Variants in KLHL22 observed in about 807,000 individuals in gnomAD.
The protein encoded by KLHL22 is kelch like family member 22.
In KLHL22, 18 loss-of-function variants were observed where a neutral mutation model predicts 60.7. The observed-to-expected ratio is 0.30, with a 90% confidence interval of 0.20 to 0.44. The LOEUF (loss-of-function observed/expected upper bound fraction) is 0.44, where lower values mean the gene tolerates loss of function less well. Ranked by LOEUF, KLHL22 falls within the 20% of genes least tolerant of loss-of-function variation. The probability of loss-of-function intolerance (pLI) is 1.00; values close to 1 mark genes in which losing one functional copy is unlikely to be tolerated. For synonymous variants in KLHL22, 355 were observed against 354.5 expected (o/e 1.00, Z -0.01); for missense variants, 596 against 852.3 (o/e 0.70, Z 3.74).
At position 20,473,173 on chromosome 22, in the gene KLHL22, T is replaced by G. The variant is rs2053355718; in HGVS notation, c.228-1658A>C. ...GAGCCCCTGGAAGACCAATTAGGCC[T>G]GAGATTCCTGTGGGCCTGGAGGCCA... On this transcript the variant is annotated intron_variant, in intron 2 of 6. Transcript: ENST00000328879. Among the ~76,000 whole-genome samples, 3 of 152,206 alleles carry G rather than the reference T, an allele frequency of 2.0e-5. No homozygotes were observed. In the South Asian group the frequency reaches 6.2e-4, roughly 32 times the overall value.
intron 2 of KLHL22, chr22:20,482,784 G>A: frequency 1.9e-6 from 2 of 1,062,014 alleles, no homozygotes; most frequent in Non-Finnish European, 2.8e-6. Flanking sequence ...TTGGCCTCCT[G>A]CTCCCCAAAG....
intron 3 of KLHL22, 63 bp downstream of exon 3, chr22:20,471,286 CA>C: frequency 1.0e-5 from 15 of 1,506,918 alleles, no homozygotes; most frequent in Non-Finnish European, 1.4e-5. Flanking sequence ...CGGCAGGCAT[CA>C]TGGGCATCTC....
At chr22:20,460,351 G>A (rs1247194458) in intron 4 of KLHL22, among the ~76,000 whole-genome samples, 1 of 152,152 alleles carries the variant, frequency 6.6e-6, no homozygotes, top group Non-Finnish European at 1.5e-5. Context: ...GCTCACGCCT[G>A]TAATCCCAGA....
At chr22:20,443,284 T>C (rs914167865) in intron 6 of KLHL22, among the ~76,000 whole-genome samples, 3 of 152,058 alleles carry the variant, frequency 2.0e-5, no homozygotes, top group African/African-American at 7.2e-5. Flanking sequence ...GTCTAGTTCC[T>C]AATCTCCAGA....
In KLHL22 at chr22:20,489,254, G is replaced by C. The variant is rs377337072; in HGVS notation, c.-33-10C>G. Reference sequence around the variant, plus strand: ...CCCTTACAACTGTGGCCTGACAGTTGGCAAAACAGGGGACAGGGGTGAGCA... The same window carrying C: ...CCCTTACAACTGTGGCCTGACAGTTCGCAAAACAGGGGACAGGGGTGAGCA... On this transcript the variant is annotated splice_polypyrimidine_tract_variant and intron_variant, in intron 1 of 6. Coordinates refer to ENST00000328879, the MANE Select transcript of KLHL22 (RefSeq NM_032775.4). 4.5e-5 allele frequency: 72 copies of C among 1,600,620 alleles called. No individual in the cohort carries two copies. Among genetic ancestry groups the C allele is most frequent in the Non-Finnish European group, 6.2e-5 (72 of 1,169,724 alleles).
At chr22:20,451,165 G>T in intron 5 of KLHL22, 1 of 1,589,352 alleles carries the variant, frequency 6.3e-7, no homozygotes, top group South Asian at 1.1e-5. Context: ...GGAATGTCTA[G>T]ACTACACAGC....
At chr22:20,454,273 G>A (rs533403538) in intron 5 of KLHL22, among the ~76,000 whole-genome samples, 38 of 152,226 alleles carry the variant, frequency 2.5e-4, no homozygotes, top group Non-Finnish European at 4.9e-4. Context: ...AGGTTGCAGT[G>A]AGCCGGGGTC....
chr22:20,455,689 A>G (rs1174924948), intron 5 of KLHL22, among the ~76,000 whole-genome samples: 3 of 152,184 alleles, frequency 2.0e-5, no homozygotes, highest in Non-Finnish European at 4.4e-5. Context: ...AGTTTGCCCC[A>G]GTTTTGCTTG....
intron 2 of KLHL22, among the ~76,000 whole-genome samples, chr22:20,479,252 T>TA (rs1368662401): frequency 3.3e-5 from 5 of 151,678 alleles, no homozygotes; most frequent in East Asian, 1.9e-4. Flanking sequence ...GGCCAATTTT[T>TA]AAAAAAATAT....
chr22:20,480,820 C>A (rs530864610), intron 2 of KLHL22, among the ~76,000 whole-genome samples: 59 of 149,626 alleles, frequency 3.9e-4, no homozygotes, highest in African/African-American at 1.4e-3. Context: ...AATGAGTTTA[C>A]GCCAAACTTT....
intron 3 of KLHL22, among the ~76,000 whole-genome samples, chr22:20,468,620 T>C (rs1009732722): frequency 1.3e-5 from 2 of 152,174 alleles, no homozygotes. Context: ...TTGACATGGT[T>C]ATGCCAAGTA....
chr22:20,454,509 T>A (rs567947858), intron 5 of KLHL22, among the ~76,000 whole-genome samples: 4 of 152,316 alleles, frequency 2.6e-5, no homozygotes, highest in Non-Finnish European at 4.4e-5. Context: ...TGGAGCTGCA[T>A]AAGCTTTCTT....
chr22:20,483,257 T>A, intron 2 of KLHL22: 1 of 697,482 alleles, frequency 1.4e-6, no homozygotes, highest in Non-Finnish European at 2.6e-6. Context: ...GTGGACTGCA[T>A]GGTGACCACT....
At chr22:20,475,655 G>A (rs1034711460) in intron 2 of KLHL22, among the ~76,000 whole-genome samples, 7 of 151,630 alleles carry the variant, frequency 4.6e-5, no homozygotes, top group Non-Finnish European at 8.8e-5. Context: ...TCCACTTCCC[G>A]GGTTCAGGAG....
intron 5 of KLHL22, among the ~76,000 whole-genome samples, chr22:20,455,330 C>T (rs936489172): frequency 6.6e-6 from 1 of 152,232 alleles, no homozygotes; most frequent in African/African-American, 2.4e-5. Context: ...TCAGCCCAGA[C>T]CACGCAATGA....
rs536487068 is a variant in KLHL22 at position 20,450,977 on chromosome 22, G to C, written c.1306-4301C>G. 8.8e-6 allele frequency: 14 copies of C among 1,588,408 alleles called. No homozygotes were observed. In the South Asian group the frequency reaches 1.3e-4, roughly 15 times the overall value. ...GCCAATGAAGTGCTTTTGGTGGCTG[G>C]GGGCTTCGGAAGCCAGCAGTCTCCC... is the stretch of plus-strand genomic sequence containing the variant. On this transcript the variant is annotated intron_variant, in intron 5 of 6. Coordinates refer to ENST00000328879, the MANE Select transcript of KLHL22 (RefSeq NM_032775.4).
intron 2 of KLHL22, among the ~76,000 whole-genome samples, chr22:20,472,287 T>G (rs965512502): frequency 1.3e-5 from 2 of 151,818 alleles, no homozygotes; most frequent in African/African-American, 4.8e-5. Context: ...AAAGGAGTTA[T>G]AGTGAAGTAA....
At chr22:20,476,784 C>T (rs2053422320) in intron 2 of KLHL22, among the ~76,000 whole-genome samples, 1 of 148,838 alleles carries the variant, frequency 6.7e-6, no homozygotes, top group Non-Finnish European at 1.5e-5. Flanking sequence ...TCTCGGCTCA[C>T]TGCAACCTCC....
chr22:20,458,052 C>A, intron 4 of KLHL22, 52 bp from the exon 5 acceptor site: 1 of 1,590,630 alleles, frequency 6.3e-7, no homozygotes, highest in South Asian at 1.1e-5. Context: ...GGAGGCTGCT[C>A]CGCAGGCTTG....
Sources: allele counts gnomAD v4.1 joint callset (sites outside exome capture counted in the v4.1 genomes callset), GRCh38; gene constraint gnomAD v4.1.1; transcripts MANE v1.5; gene names NCBI Gene and HGNC (gene_info 2026-07-23, HGNC 2026-07-21).